The following MYO1D variants were observed in gnomAD, a reference collection of about 807,000 sequenced individuals.
The protein encoded by MYO1D is myosin ID.
In MYO1D, 83 loss-of-function variants were observed where a neutral mutation model predicts 122.0. The ratio of observed to expected loss-of-function variants is 0.68; its 90% CI spans 0.57 to 0.82. The LOEUF (loss-of-function observed/expected upper bound fraction) is 0.82. MYO1D is among the 40% of genes least tolerant of loss of function. The pLI is 0.00. For synonymous variants in MYO1D, 464 were observed against 446.9 expected (o/e 1.04, Z -0.48); for missense variants, 1,157 against 1,269.5 (o/e 0.91, Z 1.35).
chr17:32,670,208 C>T (rs557017349), intron 16 of MYO1D, among the ~76,000 whole-genome samples: 5 of 152,158 alleles, frequency 3.3e-5, no homozygotes, highest in South Asian at 4.1e-4. Context: ...AAGACATTTT[C>T]CTAAACCAAG....
At position 32,710,482 on chromosome 17, in the gene MYO1D, T is replaced by A. The variant is rs139314816; in HGVS notation, c.2121+1506A>T. On this transcript the variant is annotated intron_variant, in intron 16 of 21. Transcript: ENST00000318217. ...GACCTAAATGTGAAAGGTAAAACCA[T>A]ACAGTTCATAGAAGAAAATACAGAA... 1.7e-4 allele frequency among the ~76,000 whole-genome samples: 26 copies of A among 152,272 alleles called. No homozygotes were observed. In the East Asian group the frequency reaches 5.0e-3, roughly 29 times the overall value.
At chr17:32,738,864 TA>T (rs546157422) in intron 13 of MYO1D, among the ~76,000 whole-genome samples, 6 of 151,126 alleles carry the variant, frequency 4.0e-5, no homozygotes, top group Admixed American at 2.6e-4. Flanking sequence ...GCCTGCTCTT[TA>T]AAAAAAAACA....
intron 14 of MYO1D, among the ~76,000 whole-genome samples, chr17:32,727,298 G>T: frequency 6.6e-6 from 1 of 152,182 alleles, no homozygotes; most frequent in Non-Finnish European, 1.5e-5. Flanking sequence ...AGGTGAACTT[G>T]GCTTAAAAGC....
At chr17:32,821,185 GC>G (rs1373595738) in intron 1 of MYO1D, among the ~76,000 whole-genome samples, 7 of 152,116 alleles carry the variant, frequency 4.6e-5, no homozygotes, top group African/African-American at 1.7e-4. Context: ...TCCATCCATG[GC>G]CCTGCAAGGG....
intron 16 of MYO1D, among the ~76,000 whole-genome samples, chr17:32,668,949 G>A (rs878906052): frequency 5.9e-5 from 9 of 151,922 alleles, no homozygotes; most frequent in African/African-American, 9.7e-5. Context: ...TGATCCACCC[G>A]CTTTGGCCTC....
chr17:32,653,794 C>G (rs1269493095), intron 19 of MYO1D, 49 bp downstream of exon 19: 5 of 1,507,794 alleles, frequency 3.3e-6, no homozygotes, highest in Middle Eastern at 1.7e-4. Flanking sequence ...TGAGTTTCAT[C>G]TGAATCAGTC....
intron 14 of MYO1D, among the ~76,000 whole-genome samples, chr17:32,724,956 C>T (rs754170714): frequency 2.0e-5 from 3 of 151,994 alleles, no homozygotes; most frequent in Non-Finnish European, 4.4e-5. Context: ...AGTAACCAGA[C>T]ATGTAAGTAG....
intron 13 of MYO1D, among the ~76,000 whole-genome samples, chr17:32,741,788 C>T (rs1027919853): frequency 3.3e-5 from 5 of 152,066 alleles, no homozygotes; most frequent in Middle Eastern, 3.4e-3. Context: ...CCAAGGTGGG[C>T]GGATCACGAG....
intron 10 of MYO1D, chr17:32,759,985 T>A: frequency 1.8e-6 from 1 of 558,776 alleles, no homozygotes; most frequent in Non-Finnish European, 3.2e-6. Flanking sequence ...TATAACTTAA[T>A]AAAGTATGCT....
At chr17:32,790,902 G>A (rs995723567) in intron 1 of MYO1D, among the ~76,000 whole-genome samples, 1 of 152,144 alleles carries the variant, frequency 6.6e-6, no homozygotes, top group African/African-American at 2.4e-5. Flanking sequence ...AAGGACTCAG[G>A]GCTCCTTGAA....
Position 32,563,169 on chromosome 17 carries a change from C to T in MYO1D, c.2864+41918G>A, listed in dbSNP as rs117727189. Among the ~76,000 whole-genome samples, 1,301 of 147,382 alleles carry T rather than the reference C, an allele frequency of 8.8e-3. 12 individuals are homozygous for T. Among genetic ancestry groups the T allele is most frequent in the Middle Eastern group, 0.035 (10 of 284 alleles). On this transcript the variant is annotated intron_variant, in intron 21 of 21. Coordinates refer to ENST00000318217, the MANE Select transcript of MYO1D (RefSeq NM_015194.3). ...ACTATTTATATATGTTGTTATTTTC[C>T]GTTTTCTTTGCAATTACAGCTCTTT...
Position 32,700,348 on chromosome 17 carries a change from G to A in MYO1D, c.2121+11640C>T, listed in dbSNP as rs1052200780. On this transcript the variant is annotated intron_variant, in intron 16 of 21. Coordinates refer to ENST00000318217, the MANE Select transcript of MYO1D (RefSeq NM_015194.3). ...CCTGCTCCTATGAGAATCCAATGCC[G>A]CTGCTGATCTGATAGGCCGCGGAGC... is the stretch of plus-strand genomic sequence containing the variant. Among the ~76,000 whole-genome samples, 7 of 152,184 alleles carry A rather than the reference G, an allele frequency of 4.6e-5. No homozygotes were observed. The South Asian group carries it at 6.2e-4, about 14-fold the overall frequency.
chr17:32,855,795 C>G (rs1389638217), intron 1 of MYO1D, among the ~76,000 whole-genome samples: 1 of 152,136 alleles, frequency 6.6e-6, no homozygotes, highest in Non-Finnish European at 1.5e-5. Flanking sequence ...ACAGAGTAAA[C>G]AATACATGTT....
At chr17:32,550,301 T>G (rs542227258) in intron 21 of MYO1D, among the ~76,000 whole-genome samples, 29 of 152,284 alleles carry the variant, frequency 1.9e-4, no homozygotes, top group African/African-American at 6.5e-4. Context: ...AGTTTCACTG[T>G]GTTGGCCAGG....
chr17:32,762,825 G>C (rs58379277), intron 8 of MYO1D, among the ~76,000 whole-genome samples: 6,125 of 144,116 alleles, frequency 0.043, 440 homozygotes, highest in African/African-American at 0.15. Context: ...AGTGAGCTGA[G>C]ATCATACCAT....
chr17:32,848,117 GTTAAT>G (rs1276364727), intron 1 of MYO1D, among the ~76,000 whole-genome samples: 5 of 152,156 alleles, frequency 3.3e-5, no homozygotes, highest in African/African-American at 9.7e-5. Flanking sequence ...GTTCTAGTTA[GTTAAT>G]TTATTTCAGA....
chr17:32,729,627 C>A (rs1487620517), intron 14 of MYO1D, among the ~76,000 whole-genome samples: 2 of 152,106 alleles, frequency 1.3e-5, no homozygotes, highest in Non-Finnish European at 2.9e-5. Flanking sequence ...AAACTAAAAT[C>A]AAGTTGAGTG....
At chr17:32,572,076 C>A (rs1165343684) in intron 21 of MYO1D, among the ~76,000 whole-genome samples, 3 of 152,114 alleles carry the variant, frequency 2.0e-5, no homozygotes, top group Admixed American at 6.6e-5. Flanking sequence ...TCCTCCTCAT[C>A]TGTAATTTCA....
In MYO1D at chr17:32,592,288, C is replaced by A. The variant is rs1186356538; in HGVS notation, c.2864+12799G>T. Among the ~76,000 whole-genome samples, 3 of 152,330 alleles carry A rather than the reference C, an allele frequency of 2.0e-5. No homozygotes were observed. The South Asian group carries it at 6.2e-4, about 32-fold the overall frequency. ...TTTTTAACCCTCCCTCATCTCCAAA[C>A]CCCTGGTAACCACAGGCTTTGCCAT... is the stretch of plus-strand genomic sequence containing the variant. On this transcript the variant is annotated intron_variant, in intron 21 of 21. Coordinates refer to ENST00000318217, the MANE Select transcript of MYO1D (RefSeq NM_015194.3).
Sources: gnomAD v4.1 joint callset for allele counts (sites outside exome capture counted in the v4.1 genomes callset) on GRCh38, gnomAD v4.1.1 for gene constraint, MANE v1.5 for transcripts, NCBI Gene and HGNC (gene_info 2026-07-23, HGNC 2026-07-21) for gene names.